XPA: variants seen among roughly 807,000 people sequenced by gnomAD.
XPA encodes DNA repair protein complementing XP-A cells.
A neutral mutation model predicts 35.7 loss-of-function variants in XPA; 27 were observed. That is an observed-to-expected ratio of 0.76 (90% CI 0.56 to 1.04). XPA has a LOEUF of 1.04. XPA is among the 50% of genes least tolerant of loss of function. The pLI is 0.00. For missense variants in XPA, 354 were observed against 342.7 expected, an observed-to-expected ratio of 1.03 and a Z score of -0.26; for synonymous variants, 133 against 118.4, an observed-to-expected ratio of 1.12 and a Z score of -0.80.
At chr9:97,677,547 T>C (rs1828404581) in intron 5 of XPA, among the ~76,000 whole-genome samples, 1 of 152,000 alleles carries the variant, frequency 6.6e-6, no homozygotes, top group Non-Finnish European at 1.5e-5. Context: ...ATTTTTTTAA[T>C]TAGCTAGCCA....
At chr9:97,662,837 G>C in the XPA span, 107 of 727,858 alleles carry the variant, frequency 1.5e-4, no homozygotes, top group Non-Finnish European at 2.2e-4. Context: ...TTAATACTTA[G>C]TTATTTTGCA....
chr9:97,696,175 A>T (rs1829035442), intron 1 of XPA, among the ~76,000 whole-genome samples: 1 of 152,186 alleles, frequency 6.6e-6, no homozygotes, highest in African/African-American at 2.4e-5. Flanking sequence ...GACTCTTCTC[A>T]CTCTCACTAC....
intron 5 of XPA, among the ~76,000 whole-genome samples, chr9:97,679,551 A>T (rs1828473772): frequency 7.8e-6 from 1 of 127,842 alleles, no homozygotes; most frequent in Non-Finnish European, 1.5e-5. Flanking sequence ...GCTGATGCTT[A>T]AAAAAAAATC....
At chr9:97,668,725 C>G in the XPA span, 1 of 1,119,384 alleles carries the variant, frequency 8.9e-7, no homozygotes, top group Non-Finnish European at 1.2e-6. Flanking sequence ...TGGGGGGGTA[C>G]TTTCACTATA....
chr9:97,660,947 T>G, the XPA span: 1 of 1,608,706 alleles, frequency 6.2e-7, no homozygotes, highest in South Asian at 1.1e-5. Flanking sequence ...TGTGTTTAGA[T>G]TCTCTTCCTG....
intron 2 of XPA, among the ~76,000 whole-genome samples, chr9:97,691,744 A>C (rs1234474082): frequency 6.6e-6 from 1 of 151,764 alleles, no homozygotes; most frequent in Non-Finnish European, 1.5e-5. Flanking sequence ...TTAGCCAGGC[A>C]TGGTAGTGTG....
downstream of XPA, among the ~76,000 whole-genome samples, chr9:97,670,539 A>G (rs772804341): frequency 1.3e-5 from 2 of 151,952 alleles, no homozygotes; most frequent in Non-Finnish European, 2.9e-5. Context: ...AGTCACTCTA[A>G]GTTCAATTCT....
chr9:97,659,784 AT>A, the XPA span, among the ~76,000 whole-genome samples: 1 of 152,330 alleles, frequency 6.6e-6, no homozygotes, highest in South Asian at 2.1e-4. Context: ...TTTGTTGAAG[AT>A]TAAGCTTTCT....
chr9:97,658,757 C>A, the XPA span: 1 of 1,537,920 alleles, frequency 6.5e-7, no homozygotes, highest in Non-Finnish European at 9.0e-7. Flanking sequence ...AGTAATGAAA[C>A]TAATCCCTCT....
intron 1 of XPA, 119 bp from the exon 2 acceptor site, chr9:97,693,878 A>T: frequency 1.1e-6 from 1 of 918,068 alleles, no homozygotes; most frequent in South Asian, 1.4e-5. Context: ...GGATGTCCAC[A>T]ATCACTACTT....
chr9:97,684,036 G>A (rs1219048761), intron 5 of XPA, among the ~76,000 whole-genome samples: 5 of 151,880 alleles, frequency 3.3e-5, no homozygotes, highest in Admixed American at 2.6e-4. Context: ...TGAAGAACAT[G>A]TATGTTTCCT....
chr9:97,663,094 A>G, the XPA span: 1 of 1,412,626 alleles, frequency 7.1e-7, no homozygotes, highest in Non-Finnish European at 9.9e-7. Context: ...TTGTATGGGT[A>G]TAAAAATAAG....
At chr9:97,692,323 T>A (rs1041134580) in intron 2 of XPA, among the ~76,000 whole-genome samples, 2 of 151,994 alleles carry the variant, frequency 1.3e-5, no homozygotes, top group African/African-American at 4.8e-5. Context: ...GGAATTGTCA[T>A]TATGTCATTA....
chr9:97,683,690 T>C (rs1214083760), intron 5 of XPA, among the ~76,000 whole-genome samples: 1 of 145,734 alleles, frequency 6.9e-6, no homozygotes, highest in Non-Finnish European at 1.5e-5. Context: ...TAAGAGCTCT[T>C]TGTAATTCTC....
chr9:97,664,133 C>T, the XPA span, among the ~76,000 whole-genome samples: 12 of 151,962 alleles, frequency 7.9e-5, no homozygotes, highest in African/African-American at 2.2e-4. Context: ...GAGCTGAGAT[C>T]GTGCCACTCC....
intron 5 of XPA, among the ~76,000 whole-genome samples, chr9:97,676,414 C>T (rs755984574): frequency 9.9e-5 from 15 of 152,196 alleles, no homozygotes; most frequent in Non-Finnish European, 1.8e-4. Flanking sequence ...CAACACTTTA[C>T]ACTTCTATTC....
At chr9:97,668,582 C>A in the XPA span, among the ~76,000 whole-genome samples, 1 of 152,096 alleles carries the variant, frequency 6.6e-6, no homozygotes, top group Non-Finnish European at 1.5e-5. Context: ...AGCCAAGTCC[C>A]CCCATGTTGT....
intron 3 of XPA, 92 bp from the exon 4 acceptor site, chr9:97,687,353 A>T: frequency 8.9e-7 from 1 of 1,125,718 alleles, no homozygotes; most frequent in Non-Finnish European, 1.2e-6. Flanking sequence ...CACACAGCAA[A>T]AAGGACATAT....
downstream of XPA, among the ~76,000 whole-genome samples, chr9:97,670,896 T>C (rs1828170192): frequency 6.6e-6 from 1 of 152,182 alleles, no homozygotes. Flanking sequence ...TGAGCATCCA[T>C]TTTTTTCATT....
Sources: allele counts gnomAD v4.1 joint callset (sites outside exome capture counted in the v4.1 genomes callset), GRCh38; gene constraint gnomAD v4.1.1; transcripts MANE v1.5; gene names NCBI Gene and HGNC (gene_info 2026-07-23, HGNC 2026-07-21).